Variants in BCAR3 observed in about 807,000 individuals in gnomAD.
BCAR3 encodes breast cancer anti-estrogen resistance protein 3.
In BCAR3, 37 loss-of-function variants were observed where a neutral mutation model predicts 80.1. The ratio of observed to expected loss-of-function variants is 0.46; its 90% CI spans 0.36 to 0.61. The LOEUF is 0.61. Among genes scored for constraint, BCAR3 ranks in the 20% least tolerant of loss-of-function variants. The pLI is 0.00. For missense variants in BCAR3, 978 were observed against 1,068.2 expected, an observed-to-expected ratio of 0.92 and a Z score of 1.18; for synonymous variants, 389 against 418.9, an observed-to-expected ratio of 0.93 and a Z score of 0.87.
chr1:93,627,261 C>A (rs1306263672), intron 3 of BCAR3, among the ~76,000 whole-genome samples: 1 of 152,170 alleles, frequency 6.6e-6, no homozygotes, highest in Non-Finnish European at 1.5e-5. Context: ...GATATAAACT[C>A]ATGCATGGGT....
chr1:93,655,603 A>G (rs1647348721), intron 2 of BCAR3, among the ~76,000 whole-genome samples: 1 of 152,224 alleles, frequency 6.6e-6, no homozygotes, highest in South Asian at 2.1e-4. Context: ...CAAGCACTAT[A>G]CTATACTAAC....
intron 2 of BCAR3, among the ~76,000 whole-genome samples, chr1:93,761,987 C>A (rs188880939): frequency 2.0e-5 from 3 of 152,210 alleles, no homozygotes; most frequent in Non-Finnish European, 2.9e-5. Flanking sequence ...TGCAGGCCCA[C>A]AGTGCTGACT....
At chr1:93,772,219 G>A (rs1652381541) in intron 2 of BCAR3, among the ~76,000 whole-genome samples, 1 of 152,204 alleles carries the variant, frequency 6.6e-6, no homozygotes, top group Admixed American at 6.5e-5. Context: ...CTTTTAAGCA[G>A]GAGAGTGACA....
chr1:93,670,901 G>A (rs896075068), intron 2 of BCAR3, among the ~76,000 whole-genome samples: 1 of 152,094 alleles, frequency 6.6e-6, no homozygotes, highest in African/African-American at 2.4e-5. Flanking sequence ...GCTTAATCAT[G>A]CAAGTTTTAA....
chr1:93,830,020 T>C (rs1654503306), intron 2 of BCAR3, among the ~76,000 whole-genome samples: 2 of 152,240 alleles, frequency 1.3e-5, no homozygotes, highest in Non-Finnish European at 2.9e-5. Context: ...TTCCTCCTAC[T>C]CTGGCCATGT....
chr1:93,613,406 T>C (rs1242423865), intron 3 of BCAR3, among the ~76,000 whole-genome samples: 1 of 152,180 alleles, frequency 6.6e-6, no homozygotes, highest in Non-Finnish European at 1.5e-5. Flanking sequence ...CTGGCTGCAA[T>C]TTGAAAGGAA....
chr1:93,827,710 G>T (rs1304817967), intron 2 of BCAR3, among the ~76,000 whole-genome samples: 1 of 151,870 alleles, frequency 6.6e-6, no homozygotes, highest in East Asian at 1.9e-4. Flanking sequence ...AGGGAGGGAG[G>T]GAAAGAGAGA....
intron 3 of BCAR3, among the ~76,000 whole-genome samples, chr1:93,613,641 C>A (rs1463503405): frequency 6.6e-6 from 1 of 152,216 alleles, no homozygotes; most frequent in East Asian, 1.9e-4. Flanking sequence ...CCAAAACAGA[C>A]AAGGAGCCCT....
chr1:93,666,637 C>A (rs1459300195), intron 2 of BCAR3, among the ~76,000 whole-genome samples: 1 of 152,160 alleles, frequency 6.6e-6, no homozygotes, highest in Admixed American at 6.5e-5. Context: ...AAATACGCAT[C>A]GAAGAATAAA....
At position 93,674,714 on chromosome 1, in the gene BCAR3, G is replaced by C. The variant is rs1467283654; in HGVS notation, c.217C>G (p.Leu73Val). 1 of 1,614,048 alleles carries C rather than the reference G, an allele frequency of 6.2e-7. No individual in the cohort carries two copies. Among genetic ancestry groups the C allele is most frequent in the East Asian group, 2.2e-5 (1 of 44,868 alleles). ...SCDDFSHMGT[L>V]PHSKSPRQNS... ...TGCCGTGGGGATTTGGAGTGGGGGA[G>C]GGTGCCCATGTGACTGAAGTCATCA... The change falls in exon 2 of 12, where the codon CTC becomes GTC. Residue 73 changes from leucine (L) to valine (V), a missense_variant. Coordinates refer to ENST00000260502, the MANE Select transcript of BCAR3 (RefSeq NM_003567.4).
At chr1:93,843,693 AT>A (rs1412805799) in intron 2 of BCAR3, among the ~76,000 whole-genome samples, 2 of 152,038 alleles carry the variant, frequency 1.3e-5, no homozygotes, top group Non-Finnish European at 2.9e-5. Context: ...AAACTGAAAA[AT>A]TTTTACCGGT....
chr1:93,786,494 G>A (rs1557688276), intron 2 of BCAR3, among the ~76,000 whole-genome samples: 1 of 152,200 alleles, frequency 6.6e-6, no homozygotes, highest in Non-Finnish European at 1.5e-5. Flanking sequence ...TTCCTGCTCA[G>A]TCTTGCCTAA....
At chr1:93,596,823 TC>T (rs1318563141) in intron 3 of BCAR3, among the ~76,000 whole-genome samples, 1 of 151,932 alleles carries the variant, frequency 6.6e-6, no homozygotes, top group African/African-American at 2.4e-5. Flanking sequence ...AGAGGAGGAG[TC>T]AGAGAGACAA....
At chr1:93,741,239 C>G (rs1478975191) in intron 2 of BCAR3, among the ~76,000 whole-genome samples, 2 of 152,208 alleles carry the variant, frequency 1.3e-5, no homozygotes, top group Non-Finnish European at 2.9e-5. Context: ...GACTTTTATA[C>G]TGGCTTGCAA....
intron 2 of BCAR3, among the ~76,000 whole-genome samples, chr1:93,748,000 C>T (rs1207723461): frequency 6.8e-6 from 1 of 147,792 alleles, no homozygotes; most frequent in East Asian, 1.9e-4. Flanking sequence ...ATTGGAAGGC[C>T]CTCACCTTTA....
intron 2 of BCAR3, among the ~76,000 whole-genome samples, chr1:93,736,604 T>C (rs553311512): frequency 6.6e-6 from 1 of 152,274 alleles, no homozygotes; most frequent in East Asian, 1.9e-4. Context: ...TTGCATAATA[T>C]GGTAATGGAA....
At chr1:93,623,483 G>A (rs186391568) in intron 3 of BCAR3, among the ~76,000 whole-genome samples, 3 of 152,204 alleles carry the variant, frequency 2.0e-5, no homozygotes, top group Admixed American at 6.5e-5. Context: ...TTTCAAACTA[G>A]GGCTGAGAGA....
chr1:93,571,919 G>A, intron 8 of BCAR3, 78 bp from the exon 9 acceptor site: 2 of 1,495,006 alleles, frequency 1.3e-6, no homozygotes, highest in South Asian at 1.3e-5. Flanking sequence ...GCCAAGAGCA[G>A]GGCTGTTTTT....
intron 2 of BCAR3, among the ~76,000 whole-genome samples, chr1:93,813,069 C>A (rs1159127642): frequency 1.3e-5 from 2 of 152,144 alleles, no homozygotes. Context: ...CCCTGCATCC[C>A]TCCCCCAGAT....
Sources: gnomAD v4.1 joint callset for allele counts (sites outside exome capture counted in the v4.1 genomes callset) on GRCh38, gnomAD v4.1.1 for gene constraint, MANE v1.5 for transcripts, NCBI Gene and HGNC (gene_info 2026-07-23, HGNC 2026-07-21) for gene names.